The following MAF variants were observed in gnomAD, a reference collection of about 807,000 sequenced individuals.
MAF encodes MAF bZIP transcription factor.
A neutral mutation model predicts 22.0 loss-of-function variants in MAF; 10 were observed. The ratio of observed to expected loss-of-function variants is 0.45; its 90% CI spans 0.28 to 0.77. MAF has a LOEUF of 0.77. Among genes scored for constraint, MAF ranks in the 30% least tolerant of loss-of-function variants. The pLI is 0.12. For synonymous variants in MAF, 337 were observed against 255.8 expected (o/e 1.32, Z -3.03); for missense variants, 544 against 548.4 (o/e 0.99, Z 0.08).
the MAF span, among the ~76,000 whole-genome samples, chr16:79,391,728 G>A: frequency 3.9e-4 from 59 of 152,276 alleles, no homozygotes; most frequent in African/African-American, 1.4e-3. Context: ...AAATGGAAAT[G>A]CGGCTGCGTC....
At chr16:79,535,585 TC>T in the MAF span, among the ~76,000 whole-genome samples, 10 of 60,720 alleles carry the variant, frequency 1.6e-4, no homozygotes, top group Non-Finnish European at 3.1e-4. Context: ...CATTGCTTCT[TC>T]TTTTTTTTTT....
chr16:79,404,201 G>A, the MAF span, among the ~76,000 whole-genome samples: 4 of 125,236 alleles, frequency 3.2e-5, no homozygotes, highest in Non-Finnish European at 4.8e-5. Context: ...GTCTCATTCT[G>A]TCTCCAGGCT....
chr16:79,420,949 G>T, the MAF span, among the ~76,000 whole-genome samples: 1 of 151,868 alleles, frequency 6.6e-6, no homozygotes, highest in African/African-American at 2.4e-5. Context: ...CAGGAGAATC[G>T]CTGGAACCCG....
At chr16:79,594,736 G>A in intron 1 of MAF, 183 bp from the exon 2 acceptor site, 1 of 1,407,206 alleles carries the variant, frequency 7.1e-7, no homozygotes, top group Non-Finnish European at 9.2e-7. Context: ...GTATTTGTTT[G>A]CTACTCCCAC....
At chr16:79,334,739 A>G in the MAF span, among the ~76,000 whole-genome samples, 1 of 152,128 alleles carries the variant, frequency 6.6e-6, no homozygotes, top group South Asian at 2.1e-4. Flanking sequence ...ACTCGAGGTT[A>G]GTGCACTTTA....
At chr16:79,551,989 A>G in the MAF span, among the ~76,000 whole-genome samples, 2 of 151,996 alleles carry the variant, frequency 1.3e-5, no homozygotes, top group African/African-American at 2.4e-5. Context: ...TTTTTTTAAT[A>G]TATAGACATT....
the MAF span, among the ~76,000 whole-genome samples, chr16:79,352,556 C>A: frequency 6.6e-6 from 1 of 152,160 alleles, no homozygotes; most frequent in Non-Finnish European, 1.5e-5. Context: ...GGCTACATAT[C>A]ACCCCAATAA....
the MAF span, among the ~76,000 whole-genome samples, chr16:79,289,020 G>A: frequency 2.0e-5 from 3 of 152,238 alleles, no homozygotes; most frequent in Non-Finnish European, 4.4e-5. Flanking sequence ...GTAAGCCACT[G>A]CACCCAGCCT....
chr16:79,529,756 C>G, the MAF span, among the ~76,000 whole-genome samples: 6 of 152,070 alleles, frequency 3.9e-5, no homozygotes, highest in African/African-American at 1.4e-4. Flanking sequence ...AGGTCAGGAG[C>G]TCAAAACCAG....
chr16:79,347,108 C>T, the MAF span, among the ~76,000 whole-genome samples: 2 of 152,220 alleles, frequency 1.3e-5, no homozygotes, highest in Non-Finnish European at 2.9e-5. Context: ...TCAACAAATG[C>T]TTCCTGTTCT....
chr16:79,457,346 C>T, the MAF span, among the ~76,000 whole-genome samples: 1 of 150,840 alleles, frequency 6.6e-6, no homozygotes. Context: ...AAAACAGCAG[C>T]AGCCCAAAGC....
chr16:79,493,449 G>A, the MAF span, among the ~76,000 whole-genome samples: 8 of 152,078 alleles, frequency 5.3e-5, no homozygotes, highest in South Asian at 2.1e-4. Context: ...GAAAGTGCTG[G>A]GATTACAGGA....
the MAF span, among the ~76,000 whole-genome samples, chr16:79,517,026 T>C: frequency 2.0e-5 from 3 of 152,222 alleles, no homozygotes; most frequent in Non-Finnish European, 2.9e-5. Flanking sequence ...CCAAGTTTTT[T>C]TATTTTTTTT....
At chr16:79,265,439 C>G in the MAF span, among the ~76,000 whole-genome samples, 1 of 152,128 alleles carries the variant, frequency 6.6e-6, no homozygotes, top group Admixed American at 6.5e-5. Context: ...ATAAGTGACT[C>G]TAAGGAAGAA....
chr16:79,495,356 A>G, the MAF span, among the ~76,000 whole-genome samples: 2 of 152,150 alleles, frequency 1.3e-5, no homozygotes, highest in African/African-American at 2.4e-5. Context: ...CCAGCTACTC[A>G]GGAAGCTGAG....
At chr16:79,322,105 G>A in the MAF span, among the ~76,000 whole-genome samples, 12 of 152,048 alleles carry the variant, frequency 7.9e-5, no homozygotes, top group Admixed American at 7.2e-4. Flanking sequence ...GGTAGCACAT[G>A]CCTGTAATCC....
chr16:79,408,172 C>T, the MAF span, among the ~76,000 whole-genome samples: 3 of 148,344 alleles, frequency 2.0e-5, no homozygotes, highest in South Asian at 6.6e-4. Context: ...AACATCGTGG[C>T]TTTTCTTTTC....
chr16:79,504,772 A>G, the MAF span, among the ~76,000 whole-genome samples: 1 of 152,226 alleles, frequency 6.6e-6, no homozygotes, highest in Non-Finnish European at 1.5e-5. Context: ...ACATTGGACT[A>G]AAGAAGCTGT....
the MAF span, chr16:79,204,734 GAACA>G: frequency 1.3e-5 from 2 of 152,300 alleles, no homozygotes; most frequent in South Asian, 2.1e-4. Flanking sequence ...GGCCTTCCCA[GAACA>G]AACATGGCTT....
Sources: gnomAD v4.1 joint callset for allele counts (sites outside exome capture counted in the v4.1 genomes callset) on GRCh38, gnomAD v4.1.1 for gene constraint, MANE v1.5 for transcripts, NCBI Gene and HGNC (gene_info 2026-07-23, HGNC 2026-07-21) for gene names.